Variants in MAP3K5 observed in about 807,000 individuals in gnomAD.
MAP3K5 encodes mitogen-activated protein kinase kinase kinase 5.
Under a neutral mutation model 158.7 loss-of-function variants are expected in MAP3K5, and 56 were observed. The ratio of observed to expected loss-of-function variants is 0.35; its 90% CI spans 0.28 to 0.44. The LOEUF is 0.44. Ranked by LOEUF, MAP3K5 falls within the 20% of genes least tolerant of loss-of-function variation. The probability of loss-of-function intolerance (pLI) is 1.00; values close to 1 mark genes in which losing one functional copy is unlikely to be tolerated. For missense variants in MAP3K5, 1,294 were observed against 1,674.8 expected, an observed-to-expected ratio of 0.77 and a Z score of 3.97; for synonymous variants, 579 against 601.7, an observed-to-expected ratio of 0.96 and a Z score of 0.55.
chr6:136,669,884 G>GGTGTGTGTGT (rs60778677), intron 7 of MAP3K5, among the ~76,000 whole-genome samples: 26 of 144,496 alleles, frequency 1.8e-4, no homozygotes, highest in African/African-American at 3.8e-4. Flanking sequence ...CATCATTCAG[G>GGTGTGTGTGT]GTGTGTGTGT....
chr6:136,558,312 G>C (rs1306638646), intron 29 of MAP3K5, among the ~76,000 whole-genome samples: 2 of 151,884 alleles, frequency 1.3e-5, no homozygotes, highest in Admixed American at 1.3e-4. Flanking sequence ...CTGGGAGGCG[G>C]AGCTTGCAGT....
chr6:136,656,685 T>C (rs972993704), intron 9 of MAP3K5, among the ~76,000 whole-genome samples: 2 of 151,698 alleles, frequency 1.3e-5, no homozygotes, highest in African/African-American at 4.8e-5. Flanking sequence ...AGTGCAGTGG[T>C]GTAATCTCGG....
chr6:136,710,899 A>G (rs1420625368), intron 2 of MAP3K5, among the ~76,000 whole-genome samples: 2 of 152,162 alleles, frequency 1.3e-5, no homozygotes, highest in East Asian at 3.8e-4. Flanking sequence ...AATAATCCCT[A>G]TACTCCTCAG....
At chr6:136,681,764 C>G (rs1405389419) in intron 7 of MAP3K5, among the ~76,000 whole-genome samples, 1 of 152,026 alleles carries the variant, frequency 6.6e-6, no homozygotes, top group Admixed American at 6.6e-5. Flanking sequence ...AAAATACAAA[C>G]AAAAATTAGC....
At chr6:136,743,229 T>C (rs1239610236) in intron 1 of MAP3K5, among the ~76,000 whole-genome samples, 1 of 152,178 alleles carries the variant, frequency 6.6e-6, no homozygotes, top group Non-Finnish European at 1.5e-5. Flanking sequence ...GGCGGGTAGA[T>C]CATGAGGTCA....
chr6:136,723,494 T>C (rs989808127), intron 1 of MAP3K5, among the ~76,000 whole-genome samples: 1 of 152,216 alleles, frequency 6.6e-6, no homozygotes, highest in Non-Finnish European at 1.5e-5. Context: ...AGCTGTGTTA[T>C]AGGGATTATG....
intron 7 of MAP3K5, among the ~76,000 whole-genome samples, chr6:136,691,609 CAAA>C (rs540437204): frequency 9.3e-5 from 11 of 117,804 alleles, no homozygotes; most frequent in Admixed American, 2.7e-4. Flanking sequence ...AGATTCGTCT[CAAA>C]AAAAAAAAAA....
chr6:136,563,621 T>G (rs1830612058), intron 26 of MAP3K5, among the ~76,000 whole-genome samples: 1 of 152,178 alleles, frequency 6.6e-6, no homozygotes, highest in Non-Finnish European at 1.5e-5. Context: ...GGAGAAACTG[T>G]GATATTCATA....
chr6:136,777,083 T>C (rs1312984413), intron 1 of MAP3K5, among the ~76,000 whole-genome samples: 1 of 152,236 alleles, frequency 6.6e-6, no homozygotes, highest in Non-Finnish European at 1.5e-5. Context: ...ACATAAAATA[T>C]TGGTAGCACT....
intron 11 of MAP3K5, among the ~76,000 whole-genome samples, chr6:136,646,458 A>G (rs1448922646): frequency 6.6e-6 from 1 of 152,198 alleles, no homozygotes; most frequent in African/African-American, 2.4e-5. Context: ...AAACAATAAC[A>G]AATTGCTGGA....
chr6:136,658,218 G>T (rs1479625702), intron 9 of MAP3K5, among the ~76,000 whole-genome samples: 2 of 151,876 alleles, frequency 1.3e-5, no homozygotes, highest in African/African-American at 4.8e-5. Context: ...CTATATCATG[G>T]TTAGCCTTTT....
chr6:136,632,369 T>C (rs1249589691), intron 14 of MAP3K5, among the ~76,000 whole-genome samples: 1 of 151,846 alleles, frequency 6.6e-6, no homozygotes, highest in South Asian at 2.1e-4. Flanking sequence ...ATATAAAAAT[T>C]AGCTGGGCAT....
At chr6:136,626,525 G>C (rs541253739) in intron 14 of MAP3K5, among the ~76,000 whole-genome samples, 22 of 152,240 alleles carry the variant, frequency 1.4e-4, no homozygotes, top group African/African-American at 5.3e-4. Context: ...AGTTAAAACT[G>C]GGCTCCTGCG....
At chr6:136,705,648 G>GT (rs1426732272) in intron 2 of MAP3K5, among the ~76,000 whole-genome samples, 3 of 152,108 alleles carry the variant, frequency 2.0e-5, no homozygotes, top group Admixed American at 6.6e-5. Context: ...GAATACGAAA[G>GT]TATTGTCTGC....
At position 136,757,575 on chromosome 6, in the gene MAP3K5, A is replaced by ATTTTTTTTTTT. The variant is rs1266911449; in HGVS notation, c.448+34134_448+34135insAAAAAAAAAAA. Among the ~76,000 whole-genome samples, 64 of 111,284 alleles carry ATTTTTTTTTTT rather than the reference A, an allele frequency of 5.8e-4. 3 individuals are homozygous for ATTTTTTTTTTT. The highest frequency in any genetic ancestry group is 2.0e-3 in the African/African-American group (61 of 30,362). The allele number at this position is 111,284 out of a possible 152,430, so 73.0% of individuals were successfully genotyped here. On this transcript the variant is annotated intron_variant, in intron 1 of 29. Transcript: ENST00000359015. ...GAGAACTCATTTTATAGATTTATTT[A>ATTTTTTTTTTT]TTTATTTTTTATTTTTTTTTTTTTT...
intron 2 of MAP3K5, among the ~76,000 whole-genome samples, chr6:136,709,825 AAG>A (rs1781233789): frequency 6.6e-6 from 1 of 152,154 alleles, no homozygotes; most frequent in East Asian, 1.9e-4. Context: ...CCAGCTACTC[AAG>A]AGGCAGAGGC....
At chr6:136,584,210 C>T (rs1245075788) in intron 23 of MAP3K5, among the ~76,000 whole-genome samples, 1 of 152,134 alleles carries the variant, frequency 6.6e-6, no homozygotes, top group Non-Finnish European at 1.5e-5. Context: ...GAGCAATAAG[C>T]CATAGGATCT....
chr6:136,751,170 T>C (rs1166452854), intron 1 of MAP3K5, among the ~76,000 whole-genome samples: 1 of 151,514 alleles, frequency 6.6e-6, no homozygotes, highest in Non-Finnish European at 1.5e-5. Flanking sequence ...TTTTGGCTTA[T>C]GATTTTACCA....
intron 3 of MAP3K5, among the ~76,000 whole-genome samples, chr6:136,701,843 T>G (rs1360022473): frequency 2.0e-5 from 3 of 152,238 alleles, no homozygotes; most frequent in Admixed American, 2.0e-4. Flanking sequence ...TTTTAGCTGC[T>G]GGATAAAATT....
Sources: gnomAD v4.1 joint callset for allele counts (sites outside exome capture counted in the v4.1 genomes callset) on GRCh38, gnomAD v4.1.1 for gene constraint, MANE v1.5 for transcripts, NCBI Gene and HGNC (gene_info 2026-07-23, HGNC 2026-07-21) for gene names.